Variants in DCAF12 observed in about 807,000 individuals in gnomAD.
The protein encoded by DCAF12 is DDB1 and CUL4 associated factor 12, also known as DDB1- and CUL4-associated factor 12.
Under a neutral mutation model 52.8 loss-of-function variants are expected in DCAF12, and 28 were observed. The ratio of observed to expected loss-of-function variants is 0.53; its 90% CI spans 0.39 to 0.73. DCAF12 has a LOEUF of 0.73. Among genes scored for constraint, DCAF12 ranks in the 30% least tolerant of loss-of-function variants. The pLI is 0.00. For missense variants in DCAF12, 425 were observed against 552.2 expected (o/e 0.77, Z 2.31); for synonymous variants, 196 against 215.5 (o/e 0.91, Z 0.79).
chr9:34,089,301 C>A, intron 8 of DCAF12, 111 bp downstream of exon 8: 1 of 1,254,582 alleles, frequency 8.0e-7, no homozygotes, highest in East Asian at 2.4e-5. Context: ...ATGAGTGCCT[C>A]TTACTAGTGA....
Position 34,093,339 on chromosome 9 carries a change from G to A in DCAF12, c.971C>T (p.Pro324Leu). ...CTTGACGTTGTATGATGGCTGCCGT[G>A]GATCCAAGAAGGAGACATGAGCTTG... ...GSQAHVSFLD[P>L]RQPSYNVKSV... Residue 324 changes from proline (P) to leucine (L), a missense_variant, in exon 7 of 9, where the codon CCA becomes CTA. Pro to Leu is a moderately conservative substitution (Grantham distance 98). Transcript: ENST00000361264. 6.2e-7 allele frequency: 1 copy of A among 1,614,188 alleles called. No homozygotes were observed. The highest frequency in any genetic ancestry group is 8.5e-7 in the Non-Finnish European group (1 of 1,180,036).
chr9:34,094,007 A>G (rs921368390), intron 6 of DCAF12, among the ~76,000 whole-genome samples: 1 of 152,206 alleles, frequency 6.6e-6, no homozygotes. Flanking sequence ...CATACAACAC[A>G]TAAGACAGCA....
At position 34,095,220 on chromosome 9, in the gene DCAF12, G is replaced by A. The variant is rs768328348; in HGVS notation, c.861+1496C>T. 3.3e-5 allele frequency among the ~76,000 whole-genome samples: 5 copies of A among 150,524 alleles called. No individual in the cohort carries two copies. The South Asian group carries it at 8.4e-4, about 25-fold the overall frequency. ...CTCCCAAGTATCTGGGACTACAGAC[G>A]CCCACCACCACGCCCAGCTAATTTT... On this transcript the variant is annotated intron_variant, in intron 6 of 8. Transcript: ENST00000361264.
At chr9:34,092,515 G>A (rs771198620) in intron 7 of DCAF12, among the ~76,000 whole-genome samples, 46 of 152,132 alleles carry the variant, frequency 3.0e-4, no homozygotes, top group Admixed American at 5.2e-4. Context: ...GTGAAACCCC[G>A]TCTCTACTAA....
At chr9:34,117,446 G>A (rs115277969) in intron 2 of DCAF12, among the ~76,000 whole-genome samples, 1,517 of 151,106 alleles carry the variant, frequency 0.01, 27 homozygotes, top group African/African-American at 0.034. Flanking sequence ...CACCGCGCCC[G>A]GCCTCTAATC....
At chr9:34,117,590 C>T (rs1211423940) in intron 2 of DCAF12, among the ~76,000 whole-genome samples, 1 of 152,114 alleles carries the variant, frequency 6.6e-6, no homozygotes, top group African/African-American at 2.4e-5. Flanking sequence ...GTTTAGCTAC[C>T]TTAAGCATCT....
At position 34,106,424 on chromosome 9, in the gene DCAF12, G is replaced by C; in HGVS notation, c.601+10C>G. 1 of 1,600,366 alleles carries C rather than the reference G, an allele frequency of 6.2e-7. No individual in the cohort carries two copies. Among genetic ancestry groups the C allele is most frequent in the Non-Finnish European group, 8.5e-7 (1 of 1,170,516 alleles). Reference sequence around the variant, plus strand: ...CACATCAAAAGCTCCCTATAAAAGGGCAACTTTACCAGACACTGCCATAGT... The same window carrying C: ...CACATCAAAAGCTCCCTATAAAAGGCCAACTTTACCAGACACTGCCATAGT... On this transcript the variant is annotated intron_variant, in intron 4 of 8. Transcript: ENST00000361264.
At chr9:34,107,287 G>A (rs1023062877) in intron 3 of DCAF12, 72 bp downstream of exon 3, 1 of 1,435,770 alleles carries the variant, frequency 7.0e-7, no homozygotes, top group African/African-American at 1.4e-5. Flanking sequence ...GATGAGAGGA[G>A]GGTCCATGTT....
intron 2 of DCAF12, among the ~76,000 whole-genome samples, chr9:34,120,380 C>A (rs1163481859): frequency 6.6e-6 from 1 of 151,856 alleles, no homozygotes; most frequent in East Asian, 1.9e-4. Context: ...TCTTGAAAAA[C>A]AACAAAGTGG....
At chr9:34,096,051 C>G (rs973350562) in intron 6 of DCAF12, 1 of 152,136 alleles carries the variant, frequency 6.6e-6, no homozygotes, top group African/African-American at 2.4e-5. Context: ...CTTTGGAGAA[C>G]TGGTCTTTTA....
Position 34,088,190 on chromosome 9 carries a change from T to C in DCAF12, c.*160A>G, listed in dbSNP as rs1353491484. The C allele has an allele frequency of 2.6e-5, 17 of 643,534 alleles. No individual in the cohort carries two copies. Among genetic ancestry groups the C allele is most frequent in the Non-Finnish European group, 4.1e-5 (17 of 415,356 alleles). The allele number at this position is 643,534 out of a possible 1,614,324, so 39.9% of individuals were successfully genotyped here. On this transcript the variant is annotated 3_prime_UTR_variant, in exon 9 of 9. Coordinates refer to ENST00000361264, the MANE Select transcript of DCAF12 (RefSeq NM_015397.4). ...AAAAGCAAAACAACTTTCAGATTTCTGTACAGAGCTTCTTCCTATTAAGTG... is the reference window on the plus strand; with the variant it reads ...AAAAGCAAAACAACTTTCAGATTTCCGTACAGAGCTTCTTCCTATTAAGTG...
At position 34,090,804 on chromosome 9, in the gene DCAF12, G is replaced by A. The variant is rs556425449; in HGVS notation, c.1025-1214C>T. On this transcript the variant is annotated intron_variant, in intron 7 of 8. Transcript: ENST00000361264. ...CAAGTAGCTGGAACTACAGGCACCC[G>A]CTACCACCCCCAGCTAATTTTGTTT... is the stretch of plus-strand genomic sequence containing the variant. Among the ~76,000 whole-genome samples, 231 of 151,564 alleles carry A rather than the reference G, an allele frequency of 1.5e-3. 1 individual carries two copies. Among genetic ancestry groups the A allele is most frequent in the Middle Eastern group, 3.4e-3 (1 of 294 alleles).
At chr9:34,125,733 C>T (rs1829239362) in intron 1 of DCAF12, 1 of 335,394 alleles carries the variant, frequency 3.0e-6, no homozygotes. Flanking sequence ...CATCAATGAC[C>T]GTTCCTCTGT....
At chr9:34,116,102 G>A (rs1587740641) in intron 2 of DCAF12, among the ~76,000 whole-genome samples, 2 of 152,124 alleles carry the variant, frequency 1.3e-5, no homozygotes, top group South Asian at 2.1e-4. Context: ...GGTGGCTCAC[G>A]CCTGTAATCC....
chr9:34,092,863 G>C (rs190989689), intron 7 of DCAF12, among the ~76,000 whole-genome samples: 2 of 150,526 alleles, frequency 1.3e-5, no homozygotes, highest in African/African-American at 4.9e-5. Flanking sequence ...CTTTTTTTTT[G>C]AGACAGAATT....
chr9:34,088,520 G>T lies in DCAF12; in HGVS notation c.1204-12C>A. 1.2e-6 allele frequency: 2 copies of T among 1,614,030 alleles called. No homozygotes were observed. The highest frequency in any genetic ancestry group is 1.7e-6 in the Non-Finnish European group (2 of 1,179,928). ...GTTTCATCATGATTCTACGGGAAGA[G>T]AAAGAGACTACAATTAGCACCTCTA... is the stretch of plus-strand genomic sequence containing the variant. On this transcript the variant is annotated splice_polypyrimidine_tract_variant and intron_variant, in intron 8 of 8. Coordinates refer to ENST00000361264, the MANE Select transcript of DCAF12 (RefSeq NM_015397.4).
At chr9:34,113,796 G>A (rs10971924) in intron 2 of DCAF12, among the ~76,000 whole-genome samples, 107,579 of 152,118 alleles carry the variant, frequency 0.71, 38,724 homozygotes, top group Non-Finnish European at 0.77. Context: ...GTGTGCATCA[G>A]TGAATAAATG....
Position 34,117,846 on chromosome 9 carries a change from G to A in DCAF12, c.333+7177C>T, listed in dbSNP as rs1180185738. Reference sequence around the variant, plus strand: ...GGAGAACTGCTTGAACCCAGGAGGCGGAGGTTGCAGTGAGCCGAGATCGCG... The same window carrying A: ...GGAGAACTGCTTGAACCCAGGAGGCAGAGGTTGCAGTGAGCCGAGATCGCG... On this transcript the variant is annotated intron_variant, in intron 2 of 8. Transcript: ENST00000361264. Among the ~76,000 whole-genome samples the A allele has an allele frequency of 2.6e-5, 4 of 152,186 alleles. No individual in the cohort carries two copies. The East Asian group carries it at 5.8e-4, about 22-fold the overall frequency.
intron 2 of DCAF12, among the ~76,000 whole-genome samples, chr9:34,110,783 CAACAAAACAAAACAA>C (rs55812352): frequency 6.7e-6 from 1 of 150,054 alleles, no homozygotes; most frequent in African/African-American, 2.5e-5. Flanking sequence ...GACCCTGCCT[CAACAAAACAAAACAA>C]AACAAAACAA....
Sources: allele counts gnomAD v4.1 joint callset (sites outside exome capture counted in the v4.1 genomes callset), GRCh38; gene constraint gnomAD v4.1.1; transcripts MANE v1.5; gene names NCBI Gene and HGNC (gene_info 2026-07-23, HGNC 2026-07-21).